MYO3B: variants seen among roughly 807,000 people sequenced by gnomAD.
MYO3B encodes the protein myosin IIIB, also known as myosin-IIIb.
Under a neutral mutation model 174.6 loss-of-function variants are expected in MYO3B, and 156 were observed. That is an observed-to-expected ratio of 0.89 (90% CI 0.78 to 1.02). The LOEUF is 1.02. Ranked by LOEUF, MYO3B falls within the 50% of genes least tolerant of loss-of-function variation. The pLI, the probability that MYO3B is intolerant of heterozygous loss-of-function variation, is 0.00. For missense variants in MYO3B, 1,632 were observed against 1,639.4 expected (o/e 1.00, Z 0.08); for synonymous variants, 563 against 569.1 (o/e 0.99, Z 0.15).
chr2:170,485,418 C>CAGAGAGAGAG (rs1386921638), intron 25 of MYO3B, among the ~76,000 whole-genome samples: 5 of 130,654 alleles, frequency 3.8e-5, no homozygotes, highest in African/African-American at 1.4e-4. Context: ...CACACACACA[C>CAGAGAGAGAG]ACAGAGAGAG....
chr2:170,631,072 G>A (rs1036020847), intron 32 of MYO3B, among the ~76,000 whole-genome samples: 6 of 152,146 alleles, frequency 3.9e-5, no homozygotes, highest in Non-Finnish European at 5.9e-5. Context: ...CGAGTTGAGA[G>A]AAGAAGGCTT....
At chr2:170,315,374 C>T (rs546328007) in intron 7 of MYO3B, among the ~76,000 whole-genome samples, 60 of 151,572 alleles carry the variant, frequency 4.0e-4, no homozygotes, top group African/African-American at 1.1e-3. Context: ...TGCAGTGGCA[C>T]GATCTCACTT....
chr2:170,220,628 CAAAAAAAA>C (rs71006077), intron 6 of MYO3B, among the ~76,000 whole-genome samples: 12 of 85,926 alleles, frequency 1.4e-4, no homozygotes, highest in Non-Finnish European at 1.9e-4. Context: ...GATTCCGTCT[CAAAAAAAA>C]AAAAAAAAAA....
chr2:170,511,921 G>A (rs1688015055), intron 28 of MYO3B, among the ~76,000 whole-genome samples: 1 of 152,220 alleles, frequency 6.6e-6, no homozygotes, highest in Non-Finnish European at 1.5e-5. Flanking sequence ...CCTGAAGCTG[G>A]TGGGAGTCAG....
chr2:170,312,146 G>A (rs1430849077), intron 7 of MYO3B, among the ~76,000 whole-genome samples: 1 of 152,190 alleles, frequency 6.6e-6, no homozygotes, highest in Non-Finnish European at 1.5e-5. Context: ...ACAGAACCAA[G>A]TGTCCTAAGA....
chr2:170,565,794 G>A (rs1692036160), intron 32 of MYO3B, among the ~76,000 whole-genome samples: 1 of 152,176 alleles, frequency 6.6e-6, no homozygotes, highest in African/African-American at 2.4e-5. Context: ...GACCAAGTGA[G>A]GTTACTCTTG....
At chr2:170,538,235 T>C (rs1246337892) in intron 30 of MYO3B, among the ~76,000 whole-genome samples, 1 of 152,234 alleles carries the variant, frequency 6.6e-6, no homozygotes. Flanking sequence ...TTCTAATGTG[T>C]AATTTAGTCT....
intron 18 of MYO3B, among the ~76,000 whole-genome samples, chr2:170,402,520 A>G (rs1314191810): frequency 2.0e-5 from 3 of 152,108 alleles, no homozygotes; most frequent in African/African-American, 4.8e-5. Context: ...TTGTGGGTAG[A>G]TAGGTGGGAG....
chr2:170,481,319 G>A (rs1168455911), intron 25 of MYO3B, among the ~76,000 whole-genome samples: 2 of 152,216 alleles, frequency 1.3e-5, no homozygotes. Context: ...ATTGCTGGGT[G>A]CAGTGGCTCG....
rs117052687 is a variant in MYO3B, at chr2:170,576,367, A to G, written c.3733+32379A>G. On this transcript the variant is annotated intron_variant, in intron 32 of 34. Coordinates refer to ENST00000408978, the MANE Select transcript of MYO3B (RefSeq NM_138995.5). ...GAGTATGGGGACCCTGCAAACTGGA[A>G]CTACTGCTACAGCTGAAATCAAGCA... Among the ~76,000 whole-genome samples, 1,211 of 152,276 alleles carry G rather than the reference A, an allele frequency of 8.0e-3. 19 individuals are homozygous for G. Among genetic ancestry groups the G allele is most frequent in the East Asian group, 0.046 (240 of 5,176 alleles).
At chr2:170,635,697 C>G (rs1456891884) in intron 32 of MYO3B, among the ~76,000 whole-genome samples, 1 of 152,090 alleles carries the variant, frequency 6.6e-6, no homozygotes, top group East Asian at 1.9e-4. Flanking sequence ...TAGGGCATCT[C>G]TGTTCTTTAA....
At chr2:170,601,416 G>GA (rs1694501994) in intron 32 of MYO3B, among the ~76,000 whole-genome samples, 1 of 152,144 alleles carries the variant, frequency 6.6e-6, no homozygotes, top group South Asian at 2.1e-4. Flanking sequence ...AGTGGCTATT[G>GA]AAAATACCAC....
At chr2:170,620,716 T>A (rs573248259) in intron 32 of MYO3B, among the ~76,000 whole-genome samples, 9 of 152,350 alleles carry the variant, frequency 5.9e-5, no homozygotes, top group African/African-American at 2.2e-4. Flanking sequence ...TGTGTCACTG[T>A]TGAAGAACCC....
chr2:170,285,738 C>A (rs1020518711), intron 7 of MYO3B, among the ~76,000 whole-genome samples: 6 of 150,224 alleles, frequency 4.0e-5, no homozygotes, highest in Admixed American at 2.0e-4. Context: ...ATTTCTCGAT[C>A]TTTTTATTTT....
At chr2:170,444,586 G>T (rs2094826715) in intron 23 of MYO3B, among the ~76,000 whole-genome samples, 1 of 152,146 alleles carries the variant, frequency 6.6e-6, no homozygotes, top group Non-Finnish European at 1.5e-5. Context: ...TGGAGTAAAG[G>T]CTGGTCACGT....
Position 170,402,877 on chromosome 2 carries a change from T to C in MYO3B, c.2159T>C (p.Ile720Thr), listed in dbSNP as rs978206609. ...GCAGGAGGTGGAATGAATGTGGGGATCTTGGATATCTTTGGATTCGAGAAT... is the reference window on the plus strand; with the variant it reads ...GCAGGAGGTGGAATGAATGTGGGGACCTTGGATATCTTTGGATTCGAGAAT... ...CSAGGGMNVG[I>T]LDIFGFENFQ... Residue 720 changes from isoleucine to threonine, a missense_variant, in exon 19 of 35, where the codon ATC (isoleucine) becomes ACC (threonine). Coordinates refer to ENST00000408978, the MANE Select transcript of MYO3B (RefSeq NM_138995.5). The C allele has an allele frequency of 2.5e-6, 4 of 1,612,086 alleles. No individual in the cohort carries two copies. The highest frequency in any genetic ancestry group is 2.5e-6 in the Non-Finnish European group (3 of 1,178,496).
At chr2:170,293,986 T>TC (rs1553585898) in intron 7 of MYO3B, among the ~76,000 whole-genome samples, 6 of 151,868 alleles carry the variant, frequency 4.0e-5, no homozygotes, top group African/African-American at 1.4e-4. Context: ...TTCTTTTTTT[T>TC]CCCTGTTCAC....
chr2:170,439,717 G>C (rs1041008615), intron 22 of MYO3B, among the ~76,000 whole-genome samples: 7 of 152,140 alleles, frequency 4.6e-5, no homozygotes, highest in Non-Finnish European at 1.0e-4. Flanking sequence ...GTCTCGCTCT[G>C]TCGCCCAGGC....
At chr2:170,371,216 TAAAA>T (rs56689548) in intron 9 of MYO3B, among the ~76,000 whole-genome samples, 7 of 89,706 alleles carry the variant, frequency 7.8e-5, no homozygotes, top group African/African-American at 2.3e-4. Flanking sequence ...AGACAGTGTC[TAAAA>T]AAAAAAAAAA....
Sources: gnomAD v4.1 joint callset for allele counts (sites outside exome capture counted in the v4.1 genomes callset) on GRCh38, gnomAD v4.1.1 for gene constraint, MANE v1.5 for transcripts, NCBI Gene and HGNC (gene_info 2026-07-23, HGNC 2026-07-21) for gene names.